The following BRD2 variants were observed in gnomAD, a reference collection of about 807,000 sequenced individuals.
BRD2 encodes bromodomain containing 2, also known as bromodomain-containing protein 2.
A neutral mutation model predicts 79.1 loss-of-function variants in BRD2; 15 were observed. That is an observed-to-expected ratio of 0.19 (90% confidence interval 0.13 to 0.29). The LOEUF (loss-of-function observed/expected upper bound fraction) is 0.29, where lower values mean the gene tolerates loss of function less well. Ranked by LOEUF, BRD2 falls within the 10% of genes least tolerant of loss-of-function variation. The probability of loss-of-function intolerance (pLI) is 1.00; values close to 1 mark genes in which losing one functional copy is unlikely to be tolerated. For missense variants in BRD2, 1,053 were observed against 991.3 expected (o/e 1.06, Z -0.84); for synonymous variants, 488 against 358.6 (o/e 1.36, Z -4.08).
At position 32,976,359 on chromosome 6, in the gene BRD2, T is replaced by G; in HGVS notation, c.720T>G (p.Ile240Met). Reference sequence around the variant, plus strand: ...AGATACCTACCACTGTCCTCAACATTCCCCACCCATCAGTCATTTCCTCTC... The same window carrying G: ...AGATACCTACCACTGTCCTCAACATGCCCCACCCATCAGTCATTTCCTCTC... The part of the protein sequence containing the change: ...PPEIPTTVLN[I>M]PHPSVISSPL... The change falls in exon 6 of 13, where the codon ATT becomes ATG. Residue 240 changes from isoleucine (I) to methionine (M), a missense_variant. Coordinates refer to ENST00000374825, the MANE Select transcript of BRD2 (RefSeq NM_005104.4). 1 of 1,612,958 alleles carries G rather than the reference T, an allele frequency of 6.2e-7. No homozygotes were observed. The highest frequency in any genetic ancestry group is 8.5e-7 in the Non-Finnish European group (1 of 1,179,998).
rs1211170774 is a variant in BRD2 at position 32,980,628 on chromosome 6, A to T, written c.2316A>T (p.Ser772=). 5.6e-6 allele frequency: 9 copies of T among 1,613,164 alleles called. No individual in the cohort carries two copies. The highest frequency in any genetic ancestry group is 7.6e-6 in the Non-Finnish European group (9 of 1,180,042). ...CCTCTGCACAGCAAGTAGCAGTGTC[A>T]CGCCTTAGCGCTTCCAGCTCCAGCT... ...ESSSAQQVAV[S]RLSASSSSSD... Residue 772 remains serine, a synonymous_variant, in exon 13 of 13, where the codon TCA becomes TCT. Transcript: ENST00000374825.
At position 32,977,458 on chromosome 6, in the gene BRD2, G is replaced by A. The variant is rs764147069; in HGVS notation, c.1217G>A (p.Arg406His). 27 of 1,613,980 alleles carry A rather than the reference G, an allele frequency of 1.7e-5. No homozygotes were observed. The highest frequency in any genetic ancestry group is 4.5e-5 in the East Asian group (2 of 44,894). ...LSTVKRKMEN[R>H]DYRDAQEFAA... ...CTTCTGCAGCGGAAGATGGAGAACC[G>A]TGATTACCGGGATGCACAGGAGTTT... The change falls in exon 8 of 13, where the codon CGT (arginine) becomes CAT (histidine). Residue 406 changes from arginine (R) to histidine (H), a missense_variant. Coordinates refer to ENST00000374825, the MANE Select transcript of BRD2 (RefSeq NM_005104.4).
At chr6:32,976,003 T>A (rs1185977000) in intron 4 of BRD2, 28 bp from the exon 5 acceptor site, 1 of 1,574,882 alleles carries the variant, frequency 6.3e-7, no homozygotes, top group Non-Finnish European at 8.6e-7. Context: ...TTTTTTAACT[T>A]TCTTTATTGC....
chr6:32,978,539 A>T, intron 10 of BRD2, 151 bp downstream of exon 10: 1 of 1,323,170 alleles, frequency 7.6e-7, no homozygotes, highest in Non-Finnish European at 1.0e-6. Context: ...ACCAGGGACC[A>T]GTTTCGTGGA....
Position 32,974,651 on chromosome 6 carries a change from A to C in BRD2, c.219A>C (p.Gly73=). Residue 73 remains glycine (G), a synonymous_variant, in exon 3 of 13, where the codon GGA becomes GGC. Coordinates refer to ENST00000374825, the MANE Select transcript of BRD2 (RefSeq NM_005104.4). ...PPEVSNPKKP[G]RVTNQLQYLH... is the part of the protein sequence containing the mutation. ...AGGTGTCCAATCCCAAAAAGCCAGG[A>C]CGAGTTACCAACCAGCTGCAATACC... The C allele has an allele frequency of 6.2e-7, 1 of 1,614,252 alleles. No homozygotes were observed. The highest frequency in any genetic ancestry group is 8.5e-7 in the Non-Finnish European group (1 of 1,180,050).
At position 32,976,866 on chromosome 6, in the gene BRD2, A is replaced by T; in HGVS notation, c.1130A>T (p.Asp377Val). Residue 377 changes from aspartate to valine, a missense_variant, in exon 7 of 13, where the codon GAT becomes GTT. Around this residue, in one of 5 missense-constraint regions of BRD2, gnomAD observed 454 missense variants for 430.5 expected, o/e 1.05. Coordinates refer to ENST00000374825, the MANE Select transcript of BRD2 (RefSeq NM_005104.4). Reference protein sequence around the residue: ...AYAWPFYKPVDASALGLHDYH... With the variant: ...AYAWPFYKPVVASALGLHDYH... Reference sequence around the variant, plus strand: ...GCTTGGCCTTTCTATAAACCAGTGGATGCTTCTGCACTTGGCCTGCATGAC... The same window carrying T: ...GCTTGGCCTTTCTATAAACCAGTGGTTGCTTCTGCACTTGGCCTGCATGAC... 6.2e-7 allele frequency: 1 copy of T among 1,613,164 alleles called. No individual in the cohort carries two copies. Among genetic ancestry groups the T allele is most frequent in the Non-Finnish European group, 8.5e-7 (1 of 1,180,038 alleles).
intron 2 of BRD2, among the ~76,000 whole-genome samples, 170 bp from the exon 3 acceptor site, chr6:32,974,292 C>T (rs1240682169): frequency 6.6e-6 from 1 of 152,172 alleles, no homozygotes; most frequent in Non-Finnish European, 1.5e-5. Context: ...AAGGCGGGGC[C>T]AGCAATAAAA....
In BRD2 at chr6:32,980,942, C is replaced by A. The variant is rs935868501; in HGVS notation, c.*224C>A. ...ATTCCCAGCCCCATTGGGGAGTGAT[C>A]TCTTGGACACAGAGCCCCCATTCAA... On this transcript the variant is annotated 3_prime_UTR_variant, in exon 13 of 13. Coordinates refer to ENST00000374825, the MANE Select transcript of BRD2 (RefSeq NM_005104.4). 10 of 587,710 alleles carry A rather than the reference C, an allele frequency of 1.7e-5. No individual in the cohort carries two copies. The highest frequency in any genetic ancestry group is 1.5e-4 in the African/African-American group (8 of 53,498). The allele number at this position is 587,710 out of a possible 1,614,324, so 36.4% of individuals were successfully genotyped here.
intron 2 of BRD2, 131 bp downstream of exon 2, chr6:32,973,058 C>G (rs760440868): frequency 5.0e-6 from 8 of 1,599,940 alleles, no homozygotes; most frequent in Non-Finnish European, 6.0e-6. Context: ...GACTCGGTCG[C>G]GCGGAGGGAA....
intron 2 of BRD2, chr6:32,973,249 G>GT (rs1422502362): frequency 1.7e-6 from 2 of 1,190,154 alleles, no homozygotes; most frequent in East Asian, 3.0e-5. Flanking sequence ...GGTGGGTCTG[G>GT]TATCTAGCGG....
At position 32,968,814 on chromosome 6, in the gene BRD2, C is replaced by CGGGGGGAGGGG. The variant is rs1455663210; in HGVS notation, c.-1541_-1540insAGGGGGGGGGG. 1 of 66,926 alleles carries CGGGGGGAGGGG rather than the reference C, an allele frequency of 1.5e-5. No individual in the cohort carries two copies. The highest frequency in any genetic ancestry group is 3.5e-5 in the Non-Finnish European group (1 of 28,754). 4.1% of individuals were successfully genotyped at this position (66,926 alleles called of 1,614,324 possible). A position where few individuals can be genotyped will look rare whatever the true frequency, so the allele number is the denominator to read the frequency against. On this transcript the variant is annotated 5_prime_UTR_variant, in exon 1 of 13. The change creates a premature stop within an existing upstream ORF in the 5' untranslated region. Coordinates refer to ENST00000374825, the MANE Select transcript of BRD2 (RefSeq NM_005104.4). ...CTGGTCCTCGTGGCTGGGGGAAAGG[C>CGGGGGGAGGGG]GGGGGGTGGGGGGGAAGCGGGCACG...
At chr6:32,975,004 C>T (rs1224134084) in intron 3 of BRD2, 1 of 1,525,722 alleles carries the variant, frequency 6.6e-7, no homozygotes, top group Non-Finnish European at 8.8e-7. Context: ...CTTTTGTGCC[C>T]TGGCTCCATT....
Position 32,981,424 on chromosome 6 carries a change from C to T in BRD2, c.*706C>T, listed in dbSNP as rs1001689198. On this transcript the variant is annotated 3_prime_UTR_variant, in exon 13 of 13. Coordinates refer to ENST00000374825, the MANE Select transcript of BRD2 (RefSeq NM_005104.4). ...GCAGTGAGAAAAGGCAATAGCTAAC[C>T]TATAATTGGATTGTCTTAATTTTTA... 1 of 152,084 alleles carries T rather than the reference C, an allele frequency of 6.6e-6. No individual in the cohort carries two copies. Among genetic ancestry groups the T allele is most frequent in the Non-Finnish European group, 1.5e-5 (1 of 68,020 alleles). 9.4% of individuals were successfully genotyped at this position (152,084 alleles called of 1,614,324 possible).
At position 32,968,596 on chromosome 6, in the gene BRD2, G is replaced by A. The variant is rs3918149; in HGVS notation, c.-1765G>A. On this transcript the variant is annotated 5_prime_UTR_variant, in exon 1 of 13. Transcript: ENST00000374825. ...GCACCCTTGCGCCTGCGCTGTGTGT[G>A]TTCCTGGTCTGCGGCAGCCATGCTG... The A allele has an allele frequency of 0.12, 17,997 of 152,992 alleles. 1,303 individuals are homozygous for A. The highest frequency in any genetic ancestry group is 0.25 in the East Asian group (1,311 of 5,176). 9.5% of individuals were successfully genotyped at this position (152,992 alleles called of 1,614,324 possible).
intron 10 of BRD2, chr6:32,979,440 T>TA (rs1779238883): frequency 2.2e-5 from 5 of 228,704 alleles, no homozygotes; most frequent in Non-Finnish European, 4.3e-5. Context: ...CCTAAACAGG[T>TA]ATACCTTGTT....
chr6:32,979,777 C>G (rs1344426594), intron 10 of BRD2, 51 bp from the exon 11 acceptor site: 8 of 1,567,016 alleles, frequency 5.1e-6, no homozygotes, highest in Non-Finnish European at 6.9e-6. Context: ...TGGGAACATA[C>G]TGGAAGAGGT....
chr6:32,972,674 TCTTG>T lies in BRD2; in HGVS notation c.-222_-219del, dbSNP rs1778172703. 3.2e-6 allele frequency: 2 copies of T among 632,668 alleles called. No individual in the cohort carries two copies. The highest frequency in any genetic ancestry group is 2.9e-5 in the Admixed American group (1 of 34,152). The allele number at this position is 632,668 out of a possible 1,614,324, so 39.2% of individuals were successfully genotyped here. On this transcript the variant is annotated 5_prime_UTR_variant, in exon 2 of 13. Transcript: ENST00000374825. ...GCCTCAGCTGAGGCCGCCGCCATTT[TCTTG>T]CTGTCCGCCGTCTGCAGAGCGCGCC...
Position 32,980,457 on chromosome 6 carries a change from C to T in BRD2, c.2262C>T (p.Pro754=), listed in dbSNP as rs2066750. The change falls in exon 12 of 13, where the codon CCC becomes CCT. Residue 754 remains proline (P), a synonymous_variant. Coordinates refer to ENST00000374825, the MANE Select transcript of BRD2 (RefSeq NM_005104.4). Reference sequence around the variant, plus strand: ...AGCTCAATTCTACTAAAAAGCCCCCCAAGAAAGGTGAGTATATACTTTCAT... The same window carrying T: ...AGCTCAATTCTACTAAAAAGCCCCCTAAGAAAGGTGAGTATATACTTTCAT... ...SGQLNSTKKP[P]KKANEKTESS... 31 of 1,612,902 alleles carry T rather than the reference C, an allele frequency of 1.9e-5. No individual in the cohort carries two copies. Among genetic ancestry groups the T allele is most frequent in the East Asian group, 1.6e-4 (7 of 44,898 alleles).
chr6:32,969,591 T>A (rs1270745284), intron 1 of BRD2, among the ~76,000 whole-genome samples: 4 of 152,124 alleles, frequency 2.6e-5, no homozygotes. Flanking sequence ...AGGCTGGAGG[T>A]TACGCTTCGA....
Sources: allele counts gnomAD v4.1 joint callset (sites outside exome capture counted in the v4.1 genomes callset), GRCh38; gene constraint gnomAD v4.1.1; regional missense constraint gnomAD v4.1.1; transcripts MANE v1.5; gene names NCBI Gene and HGNC (gene_info 2026-07-23, HGNC 2026-07-21).